The following PXN variants were observed in gnomAD, a reference collection of about 807,000 sequenced individuals.
PXN encodes testicular tissue protein Li 134.
Under a neutral mutation model 103.6 loss-of-function variants are expected in PXN, and 61 were observed. The ratio of observed to expected loss-of-function variants is 0.59; its 90% confidence interval spans 0.48 to 0.73. The LOEUF (loss-of-function observed/expected upper bound fraction) is 0.73. Ranked by LOEUF, PXN falls within the 30% of genes least tolerant of loss-of-function variation. The pLI is 0.00. For synonymous variants in PXN, 562 were observed against 607.8 expected, an observed-to-expected ratio of 0.92 and a Z score of 1.11; for missense variants, 1,274 against 1,460.3, an observed-to-expected ratio of 0.87 and a Z score of 2.08.
In PXN at chr12:120,217,091, CA is replaced by C; in HGVS notation, c.1741del (p.Trp581GlyfsTer24). The part of the protein sequence containing the change: ...GQIRSVIRRS[W>X]ESGHAHPMSR... The stretch of plus-strand genomic sequence containing the variant: ...CATGGGGTGTGCGTGGCCAGACTCC[CA>C]GCTCCTCCTGATCACAGATCGGATC... On this transcript the variant is annotated frameshift_variant, in exon 8 of 15. Coordinates refer to ENST00000637617, the MANE Select transcript of PXN (RefSeq NM_001385981.1). LOFTEE classifies it high-confidence loss of function. The surrounding 1 kb of genome is among the most constrained non-coding windows in gnomAD (Gnocchi z 4.1). The C allele has an allele frequency of 6.3e-7, 1 of 1,590,636 alleles. No individual in the cohort carries two copies. The highest frequency in any genetic ancestry group is 8.5e-7 in the Non-Finnish European group (1 of 1,176,864).
rs1042821066 is a variant in PXN, at chr12:120,265,697, C to A, written c.-68G>T. Reference sequence around the variant, plus strand: ...GTCCCGGGGCCGCTCGTCTATGCCCCGCAACTTTTCCGCCGCGAGCCTCGG... The same window carrying A: ...GTCCCGGGGCCGCTCGTCTATGCCCAGCAACTTTTCCGCCGCGAGCCTCGG... On this transcript the variant is annotated 5_prime_UTR_variant, in exon 1 of 15. Coordinates refer to ENST00000637617, the MANE Select transcript of PXN (RefSeq NM_001385981.1). The surrounding 1 kb of genome is among the most constrained non-coding windows in gnomAD (Gnocchi z 5.7). 7.2e-5 allele frequency: 94 copies of A among 1,296,954 alleles called. No individual in the cohort carries two copies. In the African/African-American group the frequency reaches 1.3e-3, roughly 18 times the overall value. 80.3% of individuals were successfully genotyped at this position (1,296,954 alleles called of 1,614,324 possible).
At chr12:120,226,714 T>G (rs1254897882) in intron 1 of PXN, 2 of 1,113,736 alleles carry the variant, frequency 1.8e-6, no homozygotes, top group Non-Finnish European at 1.1e-6. Flanking sequence ...ACAAGATCAC[T>G]CATTCTGAGG....
Position 120,220,320 on chromosome 12 carries a change from G to A in PXN, c.832-229C>T, listed in dbSNP as rs1186122535. On this transcript the variant is annotated intron_variant, in intron 6 of 14. Coordinates refer to ENST00000637617, the MANE Select transcript of PXN (RefSeq NM_001385981.1). The surrounding 1 kb of genome is among the most constrained non-coding windows in gnomAD (Gnocchi z 6.1). ...CAAGAGAAAGCAGCCACCAAGCCGT[G>A]CCTGTGGAGCCACCCAGGGAGGGTA... Among the ~76,000 whole-genome samples, 1 of 152,164 alleles carries A rather than the reference G, an allele frequency of 6.6e-6. No homozygotes were observed. Among genetic ancestry groups the A allele is most frequent in the Non-Finnish European group, 1.5e-5 (1 of 68,020 alleles).
Position 120,219,850 on chromosome 12 carries a change from G to T in PXN, c.1073C>A (p.Pro358His). ...GGGAGACCTTGAGTTGAAGGTGTCA[G>T]GCATCACCCCAAGACCAGCCAAATC... ...WLDLAGLGVM[P>H]DTFNSRSPSV... Residue 358 changes from proline (P) to histidine (H), a missense_variant, in exon 7 of 15, where the codon CCT becomes CAT. By Grantham distance (77) the Pro-to-His change is moderately conservative. This residue lies in a region of PXN where 1,178 missense variants were observed against 1,309.0 expected (regional missense o/e 0.90). Coordinates refer to ENST00000637617, the MANE Select transcript of PXN (RefSeq NM_001385981.1). This position sits in a 1 kb window ranked among gnomAD's most constrained non-coding sequence, Gnocchi z 6.5. The T allele has an allele frequency of 6.3e-7, 1 of 1,598,450 alleles. No individual in the cohort carries two copies. Among genetic ancestry groups the T allele is most frequent in the African/African-American group, 1.3e-5 (1 of 75,046 alleles).
intron 3 of PXN, 99 bp downstream of exon 3, chr12:120,223,619 G>T: frequency 1.1e-6 from 1 of 891,300 alleles, no homozygotes; most frequent in Non-Finnish European, 1.7e-6. Flanking sequence ...AGGCCCAGTT[G>T]CTATGCCTGC....
intron 2 of PXN, 69 bp from the exon 3 acceptor site, chr12:120,223,902 C>T (rs1376394948): frequency 1.6e-6 from 2 of 1,223,176 alleles, no homozygotes. Flanking sequence ...GGAGCAGCTC[C>T]AGTCACCCCC....
chr12:120,213,860 A>G lies in PXN; in HGVS notation c.2961T>C (p.Pro987=), dbSNP rs1457889862. The change falls in exon 14 of 15, where the codon CCT becomes CCC. Residue 987 remains proline, a synonymous_variant. Transcript: ENST00000637617. This position sits in a 1 kb window ranked among gnomAD's most constrained non-coding sequence, Gnocchi z 4.2. ...YISALNTLWH[P]ECFVCRECFT... ...TCCTTACCCGGCACACAAAGCACTC[A>G]GGATGCCACAGCGTGTTGAGGGCTG... The G allele has an allele frequency of 1.9e-6, 3 of 1,611,282 alleles. No individual in the cohort carries two copies. Among genetic ancestry groups the G allele is most frequent in the Admixed American group, 3.4e-5 (2 of 59,666 alleles).
In PXN at chr12:120,215,648, T is replaced by C; in HGVS notation, c.2315A>G (p.Glu772Gly). ...LFPPMQIQGLEQRADGERCWA... is the reference protein window; with the variant it reads ...LFPPMQIQGLGQRADGERCWA... ...GCACCGCTCCCCATCCGCTCTTTGC[T>C]CCAGGCCCTGGATCTTAGATAGGGG... The change falls in exon 10 of 15, where the codon GAG (glutamate) becomes GGG (glycine). Residue 772 changes from glutamate (E) to glycine (G), a missense_variant. Physicochemically the swap from Glu to Gly is moderately conservative, Grantham distance 98. Transcript: ENST00000637617. This position sits in a 1 kb window ranked among gnomAD's most constrained non-coding sequence, Gnocchi z 4.9. 2 of 1,609,756 alleles carry C rather than the reference T, an allele frequency of 1.2e-6. No individual in the cohort carries two copies. The highest frequency in any genetic ancestry group is 1.3e-5 in the African/African-American group (1 of 74,752).
chr12:120,244,065 T>TGTATGC (rs1396108293), intron 1 of PXN, among the ~76,000 whole-genome samples: 1 of 151,266 alleles, frequency 6.6e-6, no homozygotes, highest in African/African-American at 2.4e-5. Context: ...TGGTCCTCCC[T>TGTATGC]AAGAGCTCAC....
chr12:120,215,780 C>G lies in PXN; in HGVS notation c.2302-119G>C, dbSNP rs935848870. ...TGAGATCTGAGGGTTTCTCCCCCAC[C>G]GGCAGGACCAAAATTGGGGGAAAAA... On this transcript the variant is annotated intron_variant, in intron 9 of 14. Transcript: ENST00000637617. This position sits in a 1 kb window ranked among gnomAD's most constrained non-coding sequence, Gnocchi z 4.9. 7.8e-7 allele frequency: 1 copy of G among 1,277,164 alleles called. No individual in the cohort carries two copies. The highest frequency in any genetic ancestry group is 1.0e-6 in the Non-Finnish European group (1 of 972,820). The allele number at this position is 1,277,164 out of a possible 1,614,324, so 79.1% of individuals were successfully genotyped here.
At chr12:120,223,633 C>A in intron 3 of PXN, 85 bp downstream of exon 3, 3 of 1,063,422 alleles carry the variant, frequency 2.8e-6, no homozygotes, top group Non-Finnish European at 4.1e-6. Flanking sequence ...TGCCTGCTCC[C>A]GGGCCTCCGC....
intron 1 of PXN, among the ~76,000 whole-genome samples, chr12:120,234,883 G>C (rs562973475): frequency 5.9e-5 from 9 of 152,308 alleles, no homozygotes; most frequent in South Asian, 2.1e-4. Flanking sequence ...AAGGCCAGCA[G>C]GGGGAGGAGT....
At position 120,216,003 on chromosome 12, in the gene PXN, G is replaced by A. The variant is rs534794687; in HGVS notation, c.2301+270C>T. 48 of 1,359,704 alleles carry A rather than the reference G, an allele frequency of 3.5e-5. No individual in the cohort carries two copies. The highest frequency in any genetic ancestry group is 2.5e-4 in the Admixed American group (8 of 32,482). 84.2% of individuals were successfully genotyped at this position (1,359,704 alleles called of 1,614,324 possible). The stretch of plus-strand genomic sequence containing the variant: ...CCCTTCTGGAGTGGCTTCTTTCCTC[G>A]ATGGGAGCCCGGGGCAGTACTGAGG... On this transcript the variant is annotated intron_variant, in intron 9 of 14. Transcript: ENST00000637617. The surrounding 1 kb of genome is among the most constrained non-coding windows in gnomAD (Gnocchi z 5.1).
At chr12:120,243,619 G>T (rs1890535815) in intron 1 of PXN, among the ~76,000 whole-genome samples, 1 of 152,196 alleles carries the variant, frequency 6.6e-6, no homozygotes. Context: ...TTGAACCCAG[G>T]TGTTTGAAGC....
In PXN at chr12:120,225,606, G is replaced by A. The variant is rs912129829; in HGVS notation, c.14-1229C>T. Among the ~76,000 whole-genome samples, 3 of 152,166 alleles carry A rather than the reference G, an allele frequency of 2.0e-5. No individual in the cohort carries two copies. Among genetic ancestry groups the A allele is most frequent in the African/African-American group, 7.2e-5 (3 of 41,434 alleles). ...GTGTTTGCTCCAAATAACAAAGCCA[G>A]TGAGTGGCACAATTGTCTGACTCCT... On this transcript the variant is annotated intron_variant, in intron 1 of 14. Transcript: ENST00000637617. This position sits in a 1 kb window ranked among gnomAD's most constrained non-coding sequence, Gnocchi z 4.4.
In PXN at chr12:120,220,681, C is replaced by T. The variant is rs1884853918; in HGVS notation, c.832-590G>A. ...TGAATCCAACTTACTTGCTTCTGAC[C>T]ATGGCTGCTCAGAACCACTGGCCTG... On this transcript the variant is annotated intron_variant, in intron 6 of 14. Coordinates refer to ENST00000637617, the MANE Select transcript of PXN (RefSeq NM_001385981.1). This position sits in a 1 kb window ranked among gnomAD's most constrained non-coding sequence, Gnocchi z 6.1. Among the ~76,000 whole-genome samples, 1 of 152,188 alleles carries T rather than the reference C, an allele frequency of 6.6e-6. No homozygotes were observed. Among genetic ancestry groups the T allele is most frequent in the South Asian group, 2.1e-4 (1 of 4,836 alleles).
intron 3 of PXN, among the ~76,000 whole-genome samples, 153 bp from the exon 4 acceptor site, chr12:120,223,152 G>A (rs763878200): frequency 6.6e-6 from 1 of 152,176 alleles, no homozygotes; most frequent in Non-Finnish European, 1.5e-5. Flanking sequence ...GTGGTAAGAA[G>A]AGGGGAGGAG....
At position 120,223,007 on chromosome 12, in the gene PXN, A is replaced by G. The variant is rs772396712; in HGVS notation, c.357-8T>C. On this transcript the variant is annotated splice_polypyrimidine_tract_variant and splice_region_variant and intron_variant, in intron 3 of 14. Transcript: ENST00000637617. ...TTCTGCTTGTTGGGGAAGCTTTGAG[A>G]GGCAAAGGAAAGAAGATAGTGAGAG... The G allele has an allele frequency of 3.1e-6, 5 of 1,613,696 alleles. No homozygotes were observed. The African/African-American group carries it at 4.0e-5, about 13-fold the overall frequency.
At chr12:120,250,176 G>A in intron 1 of PXN, 3 of 985,618 alleles carry the variant, frequency 3.0e-6, no homozygotes, top group Non-Finnish European at 3.6e-6. Flanking sequence ...CAAATCCAGA[G>A]GAAACCAAGT....
Sources: allele counts gnomAD v4.1 joint callset (sites outside exome capture counted in the v4.1 genomes callset), GRCh38; gene constraint gnomAD v4.1.1; regional missense constraint gnomAD v4.1.1; non-coding constraint Gnocchi (gnomAD v3.1); transcripts MANE v1.5; gene names NCBI Gene and HGNC (gene_info 2026-07-23, HGNC 2026-07-21).